The following DSCAM variants were observed in gnomAD, a reference collection of about 807,000 sequenced individuals.
DSCAM encodes cell adhesion molecule DSCAM.
DSCAM carries 47 observed loss-of-function variants against 217.7 expected under a neutral mutation model. That is an observed-to-expected ratio of 0.22 (90% confidence interval 0.17 to 0.28). The LOEUF (loss-of-function observed/expected upper bound fraction) is 0.28, where lower values mean the gene tolerates loss of function less well. Ranked by LOEUF, DSCAM falls within the 10% of genes least tolerant of loss-of-function variation. DSCAM has a pLI of 1.00. For synonymous variants in DSCAM, 1,056 were observed against 1,015.3 expected, an observed-to-expected ratio of 1.04 and a Z score of -0.76; for missense variants, 2,080 against 2,618.3, an observed-to-expected ratio of 0.79 and a Z score of 4.49.
intron 3 of DSCAM, among the ~76,000 whole-genome samples, chr21:40,597,500 CTTTTTTTTTTTTT>C (rs10530311): frequency 1.2e-4 from 9 of 75,854 alleles, no homozygotes; most frequent in Admixed American, 1.8e-4. Flanking sequence ...CAGTAATAGG[CTTTTTTTTTTTTT>C]TTTTTTTTTT....
At chr21:40,286,678 T>C (rs775709294) in intron 10 of DSCAM, among the ~76,000 whole-genome samples, 24 of 150,152 alleles carry the variant, frequency 1.6e-4, no homozygotes, top group Non-Finnish European at 2.7e-4. Context: ...AGCAGTGTGA[T>C]CCACAGGTGA....
rs1568939026 is a variant in DSCAM, at chr21:40,097,960, AAG to A, written c.3697-4088_3697-4087del. On this transcript the variant is annotated intron_variant, in intron 20 of 32. Transcript: ENST00000400454. ...TGTCTCAAAAAAAAAAAAAAAAAGA[AAG>A]AAAGAAAGAAAGAAAGAAAGAAAGA... Among the ~76,000 whole-genome samples the A allele has an allele frequency of 2.3e-3, 105 of 44,762 alleles. 3 individuals are homozygous for A. The highest frequency in any genetic ancestry group is 5.3e-3 in the African/African-American group (44 of 8,276). 29.4% of individuals were successfully genotyped at this position (44,762 alleles called of 152,430 possible). A position where few individuals can be genotyped will look rare whatever the true frequency, so the allele number is the denominator to read the frequency against.
chr21:40,627,418 G>C (rs1488013148), intron 3 of DSCAM, among the ~76,000 whole-genome samples: 2 of 152,158 alleles, frequency 1.3e-5, no homozygotes, highest in Non-Finnish European at 2.9e-5. Context: ...TAAATATGTT[G>C]TGGAAAGCCT....
rs74369432 is a variant in DSCAM at position 40,612,510 on chromosome 21, G to T, written c.508+80300C>A. On this transcript the variant is annotated intron_variant, in intron 3 of 32. Coordinates refer to ENST00000400454, the MANE Select transcript of DSCAM (RefSeq NM_001389.5). ...TACAAATCCCCAAGTCAGATTTGCCGCGAGGAGAAAGAGATTTCTGTCTAC... is the reference window on the plus strand; with the variant it reads ...TACAAATCCCCAAGTCAGATTTGCCTCGAGGAGAAAGAGATTTCTGTCTAC... Among the ~76,000 whole-genome samples, 154 of 152,236 alleles carry T rather than the reference G, an allele frequency of 1.0e-3. 1 individual carries two copies. The Middle Eastern group carries it at 0.024, about 24-fold the overall frequency.
intron 29 of DSCAM, among the ~76,000 whole-genome samples, chr21:40,052,744 C>T (rs1335086158): frequency 6.6e-6 from 1 of 152,214 alleles, no homozygotes; most frequent in Non-Finnish European, 1.5e-5. Context: ...CATTAACTGA[C>T]TTCTCCTACA....
At chr21:40,401,281 G>A (rs2075230942) in intron 3 of DSCAM, among the ~76,000 whole-genome samples, 1 of 152,086 alleles carries the variant, frequency 6.6e-6, no homozygotes. Context: ...ACACTTTATG[G>A]GAATACATTT....
chr21:40,362,945 T>C lies in DSCAM; in HGVS notation c.655+6154A>G, dbSNP rs377173448. On this transcript the variant is annotated intron_variant, in intron 4 of 32. Transcript: ENST00000400454. ...GTTATCAATCATGTGCAAGCATCAC[T>C]GCTGATACTCAATTCATCCCCTTTG... Among the ~76,000 whole-genome samples, 4 of 152,206 alleles carry C rather than the reference T, an allele frequency of 2.6e-5. No homozygotes were observed. In the East Asian group the frequency reaches 7.7e-4, roughly 29 times the overall value.
At chr21:40,204,809 G>T (rs2091106568) in intron 11 of DSCAM, among the ~76,000 whole-genome samples, 2 of 152,184 alleles carry the variant, frequency 1.3e-5, no homozygotes, top group African/African-American at 4.8e-5. Flanking sequence ...GCCAACACAA[G>T]CAAGTGTGTC....
intron 8 of DSCAM, among the ~76,000 whole-genome samples, chr21:40,332,158 G>C (rs2074384107): frequency 6.6e-6 from 1 of 152,080 alleles, no homozygotes; most frequent in Non-Finnish European, 1.5e-5. Context: ...TCTTAAATTA[G>C]TCCCTCAATA....
chr21:40,055,713 A>G lies in DSCAM; in HGVS notation c.5035+12T>C. ...AGCCACTTTGTGTAAAGTGGCAAAT[A>G]GGGCAGCTTACCAATGGTCTCCATC... On this transcript the variant is annotated intron_variant, in intron 29 of 32. Transcript: ENST00000400454. The G allele has an allele frequency of 6.2e-7, 1 of 1,602,814 alleles. No homozygotes were observed.
intron 16 of DSCAM, among the ~76,000 whole-genome samples, chr21:40,159,092 C>T (rs1341541676): frequency 6.6e-6 from 1 of 152,180 alleles, no homozygotes; most frequent in Non-Finnish European, 1.5e-5. Context: ...TGGGGTTCTT[C>T]CTGTGATGGA....
chr21:40,131,993 G>A (rs1277342366), intron 19 of DSCAM, among the ~76,000 whole-genome samples: 2 of 152,208 alleles, frequency 1.3e-5, no homozygotes, highest in Non-Finnish European at 2.9e-5. Context: ...GATCTGTGAA[G>A]AGCCTTCCCT....
intron 3 of DSCAM, among the ~76,000 whole-genome samples, chr21:40,644,003 T>C (rs2089914063): frequency 6.6e-6 from 1 of 152,238 alleles, no homozygotes; most frequent in Non-Finnish European, 1.5e-5. Flanking sequence ...AGGCTCACCA[T>C]GCATAAAAAC....
intron 4 of DSCAM, among the ~76,000 whole-genome samples, chr21:40,354,390 T>C (rs2074667817): frequency 1.3e-5 from 2 of 152,076 alleles, no homozygotes; most frequent in South Asian, 4.1e-4. Context: ...TTTTTTAAGT[T>C]AGTGGCTCAC....
At chr21:40,118,475 T>A (rs1028629559) in intron 20 of DSCAM, among the ~76,000 whole-genome samples, 6 of 152,118 alleles carry the variant, frequency 3.9e-5, no homozygotes, top group African/African-American at 1.2e-4. Context: ...TAATCCCAGC[T>A]ACTCAGGAGG....
chr21:40,385,045 A>G (rs1467403430), intron 3 of DSCAM: 1 of 152,154 alleles, frequency 6.6e-6, no homozygotes, highest in African/African-American at 2.4e-5. Flanking sequence ...AAACCCTATT[A>G]TCAGAAATAT....
intron 3 of DSCAM, among the ~76,000 whole-genome samples, chr21:40,668,442 C>T (rs1040662969): frequency 6.6e-6 from 1 of 152,156 alleles, no homozygotes; most frequent in Non-Finnish European, 1.5e-5. Context: ...CCAATTAAAG[C>T]AAATCTCTAA....
intron 3 of DSCAM, among the ~76,000 whole-genome samples, chr21:40,646,662 T>C (rs2089950986): frequency 6.6e-6 from 1 of 152,194 alleles, no homozygotes; most frequent in Admixed American, 6.5e-5. Context: ...GCAGAAAGGA[T>C]TGCAGGAGAA....
At chr21:40,686,438 A>C (rs1471218513) in intron 3 of DSCAM, among the ~76,000 whole-genome samples, 1 of 151,864 alleles carries the variant, frequency 6.6e-6, no homozygotes, top group Non-Finnish European at 1.5e-5. Flanking sequence ...AACACCACAC[A>C]CATATGTGGA....
Sources: allele counts gnomAD v4.1 joint callset (sites outside exome capture counted in the v4.1 genomes callset), GRCh38; gene constraint gnomAD v4.1.1; transcripts MANE v1.5; gene names NCBI Gene and HGNC (gene_info 2026-07-23, HGNC 2026-07-21).